Variants in CELF4 observed in about 807,000 individuals in gnomAD.
CELF4 encodes the protein CUGBP Elav-like family member 4.
A neutral mutation model predicts 59.9 loss-of-function variants in CELF4; 18 were observed. That is an observed-to-expected ratio of 0.30 (90% CI 0.21 to 0.45). CELF4 has a LOEUF of 0.45. Ranked by LOEUF, CELF4 falls within the 20% of genes least tolerant of loss-of-function variation. The probability of loss-of-function intolerance (pLI) is 1.00; values close to 1 mark genes in which losing one functional copy is unlikely to be tolerated. For synonymous variants in CELF4, 261 were observed against 267.1 expected, an observed-to-expected ratio of 0.98 and a Z score of 0.22; for missense variants, 456 against 689.0, an observed-to-expected ratio of 0.66 and a Z score of 3.79.
intron 8 of CELF4, among the ~76,000 whole-genome samples, chr18:37,267,844 T>C (rs546641732): frequency 6.6e-6 from 1 of 152,242 alleles, no homozygotes; most frequent in East Asian, 1.9e-4. Context: ...GAGACCAGCC[T>C]GGCCAACATG....
intron 1 of CELF4, among the ~76,000 whole-genome samples, chr18:37,523,567 C>G (rs1569569746): frequency 6.6e-6 from 1 of 152,282 alleles, no homozygotes; most frequent in East Asian, 1.9e-4. Context: ...AAACTCGGGC[C>G]CATGCTTGCC....
chr18:37,461,153 A>C (rs1480743121), intron 2 of CELF4, among the ~76,000 whole-genome samples: 1 of 152,190 alleles, frequency 6.6e-6, no homozygotes, highest in Non-Finnish European at 1.5e-5. Context: ...AGTTCACCAC[A>C]GGTGTGGAGG....
chr18:37,288,528 C>A (rs2095036630), intron 3 of CELF4, among the ~76,000 whole-genome samples: 1 of 152,180 alleles, frequency 6.6e-6, no homozygotes, highest in Non-Finnish European at 1.5e-5. Context: ...GCTTGGCAAC[C>A]AACTTGCTGG....
intron 3 of CELF4, among the ~76,000 whole-genome samples, chr18:37,318,677 A>T (rs565129911): frequency 6.7e-6 from 1 of 148,690 alleles, no homozygotes; most frequent in South Asian, 2.3e-4. Context: ...AGAGCTGAGT[A>T]ATCTGGTTTG....
intron 3 of CELF4, among the ~76,000 whole-genome samples, chr18:37,314,402 C>T (rs186220507): frequency 6.6e-6 from 1 of 152,058 alleles, no homozygotes; most frequent in Non-Finnish European, 1.5e-5. Flanking sequence ...TTGCAGTGAG[C>T]CTAGATAGCA....
At chr18:37,266,244 G>A in intron 9 of CELF4, 2 of 543,318 alleles carry the variant, frequency 3.7e-6, no homozygotes, top group Non-Finnish European at 6.6e-6. Flanking sequence ...GCTCCATGGG[G>A]AAGGGAAATC....
At chr18:37,457,928 C>T (rs1225394829) in intron 2 of CELF4, among the ~76,000 whole-genome samples, 6 of 152,196 alleles carry the variant, frequency 3.9e-5, no homozygotes, top group African/African-American at 1.2e-4. Context: ...AATGCTGCTC[C>T]TGGATGTCTA....
intron 10 of CELF4, among the ~76,000 whole-genome samples, chr18:37,261,289 A>T (rs1157051894): frequency 7.2e-6 from 1 of 138,414 alleles, no homozygotes; most frequent in Non-Finnish European, 1.5e-5. Flanking sequence ...CCAGGCCCTG[A>T]CTGCTCCAGC....
intron 8 of CELF4, among the ~76,000 whole-genome samples, chr18:37,266,937 T>TG (rs11376925): frequency 0.071 from 4,343 of 60,794 alleles, 156 homozygotes; most frequent in African/African-American, 0.19. Context: ...ATGCTGGTGG[T>TG]GGGGGGGGAC....
chr18:37,472,396 A>G (rs765348747), intron 2 of CELF4, among the ~76,000 whole-genome samples: 1 of 151,914 alleles, frequency 6.6e-6, no homozygotes, highest in Non-Finnish European at 1.5e-5. Context: ...AGACCTGGGC[A>G]GCCAGGGGCC....
At chr18:37,294,156 C>T (rs112040031) in intron 3 of CELF4, among the ~76,000 whole-genome samples, 53 of 152,270 alleles carry the variant, frequency 3.5e-4, no homozygotes, top group African/African-American at 1.1e-3. Flanking sequence ...GGGACTCCCA[C>T]GGTTCTGTGT....
intron 3 of CELF4, among the ~76,000 whole-genome samples, chr18:37,302,516 G>T (rs1007646838): frequency 3.9e-5 from 6 of 152,168 alleles, no homozygotes; most frequent in African/African-American, 1.4e-4. Context: ...CAGACATGAG[G>T]ACACCTATGA....
At chr18:37,557,920 G>A (rs961631852) in intron 1 of CELF4, among the ~76,000 whole-genome samples, 1 of 151,646 alleles carries the variant, frequency 6.6e-6, no homozygotes, top group Non-Finnish European at 1.5e-5. Flanking sequence ...TACAAGGAAG[G>A]ATAAGAGAAA....
chr18:37,248,517 G>C (rs1375908253), intron 12 of CELF4, among the ~76,000 whole-genome samples: 2 of 152,230 alleles, frequency 1.3e-5, no homozygotes, highest in South Asian at 2.1e-4. Flanking sequence ...AGCCTTTGCT[G>C]CTCCCACTCT....
At chr18:37,457,032 C>A (rs1229681631) in intron 2 of CELF4, among the ~76,000 whole-genome samples, 1 of 152,180 alleles carries the variant, frequency 6.6e-6, no homozygotes, top group African/African-American at 2.4e-5. Flanking sequence ...TGATGTCTTT[C>A]CTGAGGAGGC....
At chr18:37,540,584 G>A (rs1317841592) in intron 1 of CELF4, among the ~76,000 whole-genome samples, 1 of 152,316 alleles carries the variant, frequency 6.6e-6, no homozygotes, top group Non-Finnish European at 1.5e-5. Flanking sequence ...GGCTCCAGAC[G>A]CAGCAGTGGG....
rs2061741304 is a variant in CELF4, at chr18:37,245,583, CA to C, written c.*45-387del. 6.6e-6 allele frequency among the ~76,000 whole-genome samples: 1 copy of C among 151,924 alleles called. No homozygotes were observed. Among genetic ancestry groups the C allele is most frequent in the Admixed American group, 6.6e-5 (1 of 15,250 alleles). On this transcript the variant is annotated intron_variant, in intron 12 of 12. Coordinates refer to ENST00000420428, the MANE Select transcript of CELF4 (RefSeq NM_020180.4). This position sits in a 1 kb window ranked among gnomAD's most constrained non-coding sequence, Gnocchi z 4.1. The stretch of plus-strand genomic sequence containing the variant: ...ATCTAGCCCAGATACAATATGTATA[CA>C]GAAGCCTAGCAAACAAGATAGGAAA...
Position 37,353,091 on chromosome 18 carries a change from C to T in CELF4, c.370-31210G>A, listed in dbSNP as rs944270365. ...AAAAAATTAGCCGGGTGTGATGGCA[C>T]GTGCCTGCAGTCCCAGCTACTTGGG... On this transcript the variant is annotated intron_variant, in intron 2 of 12. Coordinates refer to ENST00000420428, the MANE Select transcript of CELF4 (RefSeq NM_020180.4). 5.9e-5 allele frequency among the ~76,000 whole-genome samples: 9 copies of T among 151,628 alleles called. 1 individual carries two copies. Among genetic ancestry groups the T allele is most frequent in the Admixed American group, 2.0e-4 (3 of 15,210 alleles).
In CELF4 at chr18:37,565,709, G is replaced by GCT; in HGVS notation, c.-69_-68insAG. On this transcript the variant is annotated 5_prime_UTR_variant, in exon 1 of 13. Coordinates refer to ENST00000420428, the MANE Select transcript of CELF4 (RefSeq NM_020180.4). ...TCTCGCTCCTCTCTCTCGCTCGCTC[G>GCT]CGCTCACACACGCACACGCATACAC... 2 of 1,442,766 alleles carry GCT rather than the reference G, an allele frequency of 1.4e-6. No homozygotes were observed. Among genetic ancestry groups the GCT allele is most frequent in the Non-Finnish European group, 1.9e-6 (2 of 1,078,304 alleles). The allele number at this position is 1,442,766 out of a possible 1,614,324, so 89.4% of individuals were successfully genotyped here. A position where few individuals can be genotyped will look rare whatever the true frequency, so the allele number is the denominator to read the frequency against.
Sources: allele counts gnomAD v4.1 joint callset (sites outside exome capture counted in the v4.1 genomes callset), GRCh38; gene constraint gnomAD v4.1.1; non-coding constraint Gnocchi (gnomAD v3.1); transcripts MANE v1.5; gene names NCBI Gene and HGNC (gene_info 2026-07-23, HGNC 2026-07-21).